The following USP34 variants were observed in gnomAD, a reference collection of about 807,000 sequenced individuals.
USP34 encodes the protein ubiquitin specific peptidase 34.
A neutral mutation model predicts 460.3 loss-of-function variants in USP34; 70 were observed. The observed-to-expected ratio is 0.15, with a 90% CI of 0.13 to 0.19. The LOEUF (loss-of-function observed/expected upper bound fraction) is 0.19, where lower values mean the gene tolerates loss of function less well. USP34 is among the 10% of genes least tolerant of loss of function. The pLI is 1.00. For synonymous variants in USP34, 1,647 were observed against 1,405.3 expected, an observed-to-expected ratio of 1.17 and a Z score of -3.85; for missense variants, 3,985 against 4,236.2, an observed-to-expected ratio of 0.94 and a Z score of 1.65.
At chr2:61,227,917 T>G (rs1430434891) in intron 61 of USP34, among the ~76,000 whole-genome samples, 1 of 152,216 alleles carries the variant, frequency 6.6e-6, no homozygotes, top group East Asian at 1.9e-4. Flanking sequence ...TTCTTATTTA[T>G]AGTTCCCTGA....
intron 5 of USP34, among the ~76,000 whole-genome samples, chr2:61,385,366 A>G (rs996904171): frequency 4.6e-5 from 7 of 152,104 alleles, no homozygotes; most frequent in African/African-American, 1.7e-4. Context: ...AAGGTCCAAG[A>G]ATAGCTAAAA....
rs878986501 is a variant in USP34 at position 61,288,747 on chromosome 2, G to T, written c.4679C>A (p.Thr1560Asn). The T allele has an allele frequency of 1.2e-6, 2 of 1,613,878 alleles. No homozygotes were observed. The highest frequency in any genetic ancestry group is 1.3e-5 in the African/African-American group (1 of 74,924). ...SGIAESHRKR[T>N]WPGKSRKAAG... is the part of the protein sequence containing the mutation. ...AGCCTTCCTTGATTTGCCAGGCCAG[G>T]TTCTTTTCCTATGGCTTTCCGCTAT... Residue 1560 changes from threonine (T) to asparagine (N), a missense_variant, in exon 34 of 80, where the codon ACC (threonine) becomes AAC (asparagine). This residue lies in a region of USP34 where 1,114 missense variants were observed against 1,122.5 expected (regional missense o/e 0.99). Transcript: ENST00000398571.
At chr2:61,214,728 G>C (rs1314522417) in intron 67 of USP34, 34 bp from the exon 68 acceptor site, 3 of 1,605,860 alleles carry the variant, frequency 1.9e-6, no homozygotes, top group Non-Finnish European at 2.5e-6. Context: ...TCAGATCCTT[G>C]TAAGATATAA....
chr2:61,292,997 A>T (rs1272215689), intron 33 of USP34, among the ~76,000 whole-genome samples: 1 of 152,094 alleles, frequency 6.6e-6, no homozygotes, highest in African/African-American at 2.4e-5. Context: ...TTGCTATAAA[A>T]ATTTCTAGAG....
At chr2:61,403,992 CAAAAAAAAAA>C (rs71405114) in intron 3 of USP34, among the ~76,000 whole-genome samples, 42 of 29,126 alleles carry the variant, frequency 1.4e-3, no homozygotes, top group South Asian at 6.7e-3. Context: ...GACTCTATCT[CAAAAAAAAAA>C]AAAAAAAAAA....
chr2:61,441,938 C>A (rs571117335), intron 1 of USP34, among the ~76,000 whole-genome samples: 1 of 151,016 alleles, frequency 6.6e-6, no homozygotes, highest in Non-Finnish European at 1.5e-5. Flanking sequence ...CATAAACCAA[C>A]GGAACAGAAC....
At chr2:61,457,436 T>C (rs924737322) in intron 1 of USP34, among the ~76,000 whole-genome samples, 7 of 152,208 alleles carry the variant, frequency 4.6e-5, no homozygotes. Context: ...GACGGCCTAC[T>C]TATAGCTTTT....
At chr2:61,431,742 C>A (rs1694680891) in intron 1 of USP34, among the ~76,000 whole-genome samples, 1 of 151,998 alleles carries the variant, frequency 6.6e-6, no homozygotes, top group African/African-American at 2.4e-5. Context: ...GTAATCCCAG[C>A]TACTTGAGAC....
At chr2:61,401,421 A>C (rs903275331) in intron 3 of USP34, among the ~76,000 whole-genome samples, 1 of 150,710 alleles carries the variant, frequency 6.6e-6, no homozygotes, top group Non-Finnish European at 1.5e-5. Context: ...TTTCTTTTGT[A>C]AAGATGAGCT....
intron 1 of USP34, among the ~76,000 whole-genome samples, chr2:61,459,499 G>A (rs1428412523): frequency 6.6e-6 from 1 of 152,148 alleles, no homozygotes; most frequent in African/African-American, 2.4e-5. Context: ...AACAGGCCAG[G>A]CACGGTGGCT....
intron 1 of USP34, among the ~76,000 whole-genome samples, chr2:61,454,869 T>TC (rs1491212797): frequency 1.6e-4 from 8 of 50,552 alleles, no homozygotes; most frequent in Non-Finnish European, 3.4e-4. Context: ...GTTTTTTTTT[T>TC]CTTTTTTTTT....
chr2:61,197,755 G>T lies in USP34; in HGVS notation c.9509-4775C>A, dbSNP rs143279655. 4.0e-3 allele frequency among the ~76,000 whole-genome samples: 605 copies of T among 151,964 alleles called. 3 individuals are homozygous for T. The highest frequency in any genetic ancestry group is 6.6e-3 in the Admixed American group (100 of 15,256). On this transcript the variant is annotated intron_variant, in intron 75 of 79. Transcript: ENST00000398571. ...TGGGACTACATGTGCATGTCACCAA[G>T]CCCGCCTTCTATTTTGGTGGGGGGA...
At chr2:61,236,425 G>C in intron 53 of USP34, 36 bp from the exon 54 acceptor site, 5 of 1,445,534 alleles carry the variant, frequency 3.5e-6, no homozygotes, top group Non-Finnish European at 4.7e-6. Context: ...TGATAAAGCA[G>C]TTTACTTCAT....
chr2:61,326,966 T>C (rs1480512339), intron 20 of USP34, among the ~76,000 whole-genome samples: 3 of 151,694 alleles, frequency 2.0e-5, no homozygotes, highest in Admixed American at 6.6e-5. Flanking sequence ...TTTTTATTTT[T>C]AGTAGAAATA....
Position 61,314,570 on chromosome 2 carries a change from T to C in USP34, c.3542+15A>G, listed in dbSNP as rs1014020146. 6.8e-7 allele frequency: 1 copy of C among 1,469,140 alleles called. No individual in the cohort carries two copies. The highest frequency in any genetic ancestry group is 9.0e-7 in the Non-Finnish European group (1 of 1,111,746). 91.0% of individuals were successfully genotyped at this position (1,469,140 alleles called of 1,614,324 possible). A position where few individuals can be genotyped will look rare whatever the true frequency, so the allele number is the denominator to read the frequency against. On this transcript the variant is annotated intron_variant, in intron 25 of 79. Coordinates refer to ENST00000398571, the MANE Select transcript of USP34 (RefSeq NM_014709.4). ...AATGAAATTCATTCTAACAGTGTGATATTTTAAAAATTACCTTCTCCTAAA... is the reference window on the plus strand; with the variant it reads ...AATGAAATTCATTCTAACAGTGTGACATTTTAAAAATTACCTTCTCCTAAA...
intron 1 of USP34, among the ~76,000 whole-genome samples, chr2:61,430,672 CAT>C (rs1012547637): frequency 6.6e-6 from 1 of 152,156 alleles, no homozygotes; most frequent in Non-Finnish European, 1.5e-5. Context: ...TAATAGGTCT[CAT>C]GTGAATCTTG....
Position 61,293,520 on chromosome 2 carries a change from A to G in USP34, c.4492T>C (p.Leu1498=), listed in dbSNP as rs537984812. ...FVAAGGLQQL[L]EIFNSGILEP... The stretch of plus-strand genomic sequence containing the variant: ...AGAATTCCAGAATTAAAAATTTCTA[A>G]TAACTGTTGAAGCCCTCCAGCAGCA... The change falls in exon 33 of 80, where the codon TTA becomes CTA. Residue 1498 remains leucine (L), a synonymous_variant. Transcript: ENST00000398571. The G allele has an allele frequency of 2.5e-5, 41 of 1,613,004 alleles. No homozygotes were observed. The Admixed American group carries it at 6.0e-4, about 24-fold the overall frequency.
At chr2:61,413,470 G>A (rs1694104113) in intron 2 of USP34, among the ~76,000 whole-genome samples, 1 of 149,358 alleles carries the variant, frequency 6.7e-6, no homozygotes, top group Non-Finnish European at 1.5e-5. Flanking sequence ...ACTTTGGGAG[G>A]CCAAGGCGGG....
At chr2:61,348,912 T>G in intron 13 of USP34, 26 bp from the exon 14 acceptor site, 1 of 1,584,664 alleles carries the variant, frequency 6.3e-7, no homozygotes, top group Non-Finnish European at 8.6e-7. Context: ...TTTTTGTTTT[T>G]ACTTCTAATT....
Sources: gnomAD v4.1 joint callset for allele counts (sites outside exome capture counted in the v4.1 genomes callset) on GRCh38, gnomAD v4.1.1 for gene constraint, gnomAD v4.1.1 regional missense constraint, MANE v1.5 for transcripts, NCBI Gene and HGNC (gene_info 2026-07-23, HGNC 2026-07-21) for gene names.